The following TMEM117 variants were observed in gnomAD, a reference collection of about 807,000 sequenced individuals.
TMEM117 encodes the protein transmembrane protein 117.
Under a neutral mutation model 52.4 loss-of-function variants are expected in TMEM117, and 27 were observed. The observed-to-expected ratio is 0.51, with a 90% CI of 0.38 to 0.71. The LOEUF is 0.71. TMEM117 is among the 30% of genes least tolerant of loss of function. The pLI, the probability that TMEM117 is intolerant of heterozygous loss-of-function variation, is 0.00. For missense variants in TMEM117, 556 were observed against 630.5 expected (o/e 0.88, Z 1.26); for synonymous variants, 215 against 206.3 (o/e 1.04, Z -0.36).
At chr12:43,854,248 T>G (rs1592308655) in intron 2 of TMEM117, among the ~76,000 whole-genome samples, 2 of 152,170 alleles carry the variant, frequency 1.3e-5, no homozygotes, top group East Asian at 3.9e-4. Flanking sequence ...GAAGTTATTT[T>G]GGGGGCTGCC....
At chr12:44,159,712 A>G (rs1363292301) in intron 4 of TMEM117, among the ~76,000 whole-genome samples, 1 of 152,184 alleles carries the variant, frequency 6.6e-6, no homozygotes, top group Non-Finnish European at 1.5e-5. Context: ...ACATAAGTAT[A>G]TTTATGGTTC....
intron 5 of TMEM117, among the ~76,000 whole-genome samples, chr12:44,239,476 G>A (rs887437461): frequency 1.3e-5 from 2 of 152,042 alleles, no homozygotes; most frequent in South Asian, 2.1e-4. Context: ...AAACCTTTTA[G>A]CAGCACAGAA....
rs377446477 is a variant in TMEM117 at position 44,080,429 on chromosome 12, C to T, written c.411-63096C>T. On this transcript the variant is annotated intron_variant, in intron 3 of 7. Transcript: ENST00000266534. ...GGTAACTGCCCCCATAATTAAATTA[C>T]CTCCCACCAGGTCCCTCCCATGACA... 3.3e-5 allele frequency among the ~76,000 whole-genome samples: 5 copies of T among 152,102 alleles called. No individual in the cohort carries two copies. The East Asian group carries it at 5.8e-4, about 18-fold the overall frequency.
chr12:44,263,692 T>C (rs909980071), intron 5 of TMEM117: 1 of 152,182 alleles, frequency 6.6e-6, no homozygotes, highest in Non-Finnish European at 1.5e-5. Context: ...AGCAAGATAA[T>C]GCCACTTAGA....
At chr12:44,004,001 C>A (rs114631781) in intron 3 of TMEM117, among the ~76,000 whole-genome samples, 5,454 of 152,204 alleles carry the variant, frequency 0.036, 207 homozygotes, top group African/African-American at 0.093. Context: ...TGAGAATATG[C>A]TTTTTTCTGG....
At chr12:43,842,579 T>G (rs916496702) in intron 1 of TMEM117, among the ~76,000 whole-genome samples, 2 of 152,192 alleles carry the variant, frequency 1.3e-5, no homozygotes, top group Non-Finnish European at 2.9e-5. Flanking sequence ...TCAGGAGCCT[T>G]GGAGGCTATC....
chr12:43,798,250 T>C, the TMEM117 span, among the ~76,000 whole-genome samples: 3 of 152,196 alleles, frequency 2.0e-5, no homozygotes, highest in Admixed American at 6.5e-5. Context: ...ATGCACTGAA[T>C]TGAAAGGAGT....
At chr12:44,066,120 G>A (rs1947218296) in intron 3 of TMEM117, among the ~76,000 whole-genome samples, 1 of 152,220 alleles carries the variant, frequency 6.6e-6, no homozygotes, top group Admixed American at 6.5e-5. Context: ...AATTTGAACA[G>A]TTGGGCCCTT....
intron 4 of TMEM117, among the ~76,000 whole-genome samples, chr12:44,172,923 C>T (rs923232299): frequency 6.6e-5 from 10 of 152,260 alleles, no homozygotes; most frequent in African/African-American, 2.4e-4. Context: ...TGGGGTTTCA[C>T]CATGTTGGCC....
chr12:44,009,093 C>A, intron 3 of TMEM117: 1 of 357,086 alleles, frequency 2.8e-6, no homozygotes. Flanking sequence ...CCCATGAAGA[C>A]ACATAAGTTT....
chr12:44,009,694 C>A, intron 3 of TMEM117: 1 of 245,084 alleles, frequency 4.1e-6, no homozygotes. Context: ...CTGTTCCTCC[C>A]AGGAGCACTG....
chr12:44,257,340 T>A (rs1950271399), intron 5 of TMEM117, among the ~76,000 whole-genome samples: 1 of 151,982 alleles, frequency 6.6e-6, no homozygotes, highest in Non-Finnish European at 1.5e-5. Context: ...TCTCTATATA[T>A]AGGTGTCCAC....
intron 3 of TMEM117, chr12:44,010,202 C>A: frequency 2.0e-6 from 1 of 505,184 alleles, no homozygotes. Flanking sequence ...GGGGCCACCT[C>A]TGACAAATGA....
intron 2 of TMEM117, among the ~76,000 whole-genome samples, chr12:43,901,552 T>C (rs1255710702): frequency 1.3e-5 from 2 of 152,204 alleles, no homozygotes. Context: ...CCTCAAGTGA[T>C]CCACCATCTC....
At chr12:43,854,836 C>G (rs1943372528) in intron 2 of TMEM117, among the ~76,000 whole-genome samples, 1 of 152,014 alleles carries the variant, frequency 6.6e-6, no homozygotes, top group Non-Finnish European at 1.5e-5. Context: ...AGGGTTTCAC[C>G]ATGTTGGCCA....
At chr12:43,797,420 C>T in the TMEM117 span, 6 of 1,594,832 alleles carry the variant, frequency 3.8e-6, no homozygotes, top group Non-Finnish European at 5.1e-6. Context: ...TTGTGTTGGC[C>T]AAAATTATAA....
At chr12:44,038,262 C>T (rs1946741954) in intron 3 of TMEM117, among the ~76,000 whole-genome samples, 1 of 152,172 alleles carries the variant, frequency 6.6e-6, no homozygotes, top group African/African-American at 2.4e-5. Context: ...GGAGCCTATA[C>T]CTAGGAGCTC....
At chr12:43,947,725 T>A (rs1005118260) in intron 3 of TMEM117, among the ~76,000 whole-genome samples, 7 of 152,172 alleles carry the variant, frequency 4.6e-5, no homozygotes, top group Non-Finnish European at 8.8e-5. Flanking sequence ...TGTTTATAGG[T>A]CTCTCTAGGA....
At chr12:44,308,364 G>A (rs150289848) in intron 6 of TMEM117, among the ~76,000 whole-genome samples, 159 of 152,080 alleles carry the variant, frequency 1.0e-3, no homozygotes, top group Non-Finnish European at 1.9e-3. Flanking sequence ...GAATATTTCA[G>A]CCCTATCCCT....
Sources: gnomAD v4.1 joint callset for allele counts (sites outside exome capture counted in the v4.1 genomes callset) on GRCh38, gnomAD v4.1.1 for gene constraint, MANE v1.5 for transcripts, NCBI Gene and HGNC (gene_info 2026-07-23, HGNC 2026-07-21) for gene names.